DDX60: variants seen among roughly 807,000 people sequenced by gnomAD.
DDX60 encodes the protein DExD/H-box helicase 60.
A neutral mutation model predicts 212.8 loss-of-function variants in DDX60; 165 were observed. The observed-to-expected ratio is 0.78, with a 90% CI of 0.68 to 0.88. The LOEUF is 0.88. Among genes scored for constraint, DDX60 ranks in the 40% least tolerant of loss-of-function variants. The probability of loss-of-function intolerance (pLI) is 0.00; values close to 1 mark genes in which losing one functional copy is unlikely to be tolerated. For synonymous variants in DDX60, 703 were observed against 685.3 expected (o/e 1.03, Z -0.40); for missense variants, 1,905 against 2,003.9 (o/e 0.95, Z 0.94).
chr4:168,294,343 G>T, intron 6 of DDX60, among the ~76,000 whole-genome samples: 1 of 152,088 alleles, frequency 6.6e-6, no homozygotes, highest in East Asian at 1.9e-4. Flanking sequence ...CCACAACATT[G>T]GTCTGGGCAA....
Position 168,220,717 on chromosome 4 carries a change from C to A in DDX60, c.4977G>T (p.Arg1659Ser). Reference sequence around the variant, plus strand: ...AATAATAAGCATCTCCTTCATTCATCCTAAAGAAAACAACATTTTGAAAAT... The same window carrying A: ...AATAATAAGCATCTCCTTCATTCATACTAAAGAAAACAACATTTTGAAAAT... ...GSLIGLVQDN[R>S]MNEGDAYYLL... The change falls in exon 37 of 38, where the codon AGG becomes AGT. Residue 1659 changes from arginine (R) to serine (S), a missense_variant and splice_region_variant. Coordinates refer to ENST00000393743, the MANE Select transcript of DDX60 (RefSeq NM_017631.6). The A allele has an allele frequency of 7.1e-7, 1 of 1,410,506 alleles. No homozygotes were observed. Among genetic ancestry groups the A allele is most frequent in the Non-Finnish European group, 9.3e-7 (1 of 1,072,712 alleles). The allele number at this position is 1,410,506 out of a possible 1,614,324, so 87.4% of individuals were successfully genotyped here. A position where few individuals can be genotyped will look rare whatever the true frequency, so the allele number is the denominator to read the frequency against.
In DDX60 at chr4:168,224,266, G is replaced by A. The variant is rs1733169195; in HGVS notation, c.4801C>T (p.Leu1601Phe). 6.2e-7 allele frequency: 1 copy of A among 1,612,222 alleles called. No individual in the cohort carries two copies. Among genetic ancestry groups the A allele is most frequent in the Non-Finnish European group, 8.5e-7 (1 of 1,178,914 alleles). ...ACATGGTTTGGAGTTTCTAGTCGAAGCAAATCATCATCAAAGTTCCCAGAC... is the reference window on the plus strand; with the variant it reads ...ACATGGTTTGGAGTTTCTAGTCGAAACAAATCATCATCAAAGTTCCCAGAC... ...CLSGNFDDDL[L>F]RLETPNHVTL... The change falls in exon 35 of 38, where the codon CTT becomes TTT. Residue 1601 changes from leucine (L) to phenylalanine (F), a missense_variant. Coordinates refer to ENST00000393743, the MANE Select transcript of DDX60 (RefSeq NM_017631.6).
intron 12 of DDX60, among the ~76,000 whole-genome samples, chr4:168,283,856 G>A (rs1218984429): frequency 1.3e-5 from 2 of 152,014 alleles, no homozygotes; most frequent in African/African-American, 4.8e-5. Flanking sequence ...AAAAAATGAC[G>A]GATTCCATTC....
intron 28 of DDX60, among the ~76,000 whole-genome samples, chr4:168,250,419 T>C (rs1734175486): frequency 6.6e-6 from 1 of 151,848 alleles, no homozygotes; most frequent in Admixed American, 6.6e-5. Flanking sequence ...CACATGCCTG[T>C]AATCCCAGCT....
Position 168,306,482 on chromosome 4 carries a change from CT to C in DDX60, c.502del (p.Arg168GlyfsTer59), listed in dbSNP as rs1213882682. Reference protein sequence around the residue: ...FNFLIIHSWARKVNVVLSSGQ... With the variant: ...FNFLIIHSWAXKVNVVLSSGQ... ...TGAGGAAAGTACAACGTTGACCTTC[CT>C]TGCCCAAGAATGAATGATTAAAAAG... On this transcript the variant is annotated frameshift_variant, in exon 5 of 38. Transcript: ENST00000393743. LOFTEE classifies it high-confidence loss of function. 2.5e-6 allele frequency: 4 copies of C among 1,614,042 alleles called. No individual in the cohort carries two copies. Among genetic ancestry groups the C allele is most frequent in the Middle Eastern group, 1.6e-4 (1 of 6,084 alleles).
intron 30 of DDX60, among the ~76,000 whole-genome samples, chr4:168,238,793 T>C (rs911326846): frequency 1.1e-4 from 16 of 152,162 alleles, no homozygotes; most frequent in Non-Finnish European, 1.5e-5. Context: ...TTGCATACTA[T>C]AGTTTATTGT....
intron 37 of DDX60, among the ~76,000 whole-genome samples, chr4:168,218,203 C>T (rs1732919241): frequency 6.6e-6 from 1 of 152,144 alleles, no homozygotes; most frequent in Non-Finnish European, 1.5e-5. Flanking sequence ...ACCAAATTTC[C>T]TTCTGAGTTA....
At chr4:168,254,531 T>G (rs1488212313) in intron 26 of DDX60, among the ~76,000 whole-genome samples, 1 of 152,164 alleles carries the variant, frequency 6.6e-6, no homozygotes, top group African/African-American at 2.4e-5. Context: ...CAAATATATT[T>G]ATGGAATAAT....
At position 168,244,594 on chromosome 4, in the gene DDX60, G is replaced by A. The variant is rs370550274; in HGVS notation, c.4164+1824C>T. On this transcript the variant is annotated intron_variant, in intron 30 of 37. Transcript: ENST00000393743. Reference sequence around the variant, plus strand: ...CAAAAAATTAGCCAGGTGTGGTGGCGCATACCTGTAGTCCCAGCTACTCAG... The same window carrying A: ...CAAAAAATTAGCCAGGTGTGGTGGCACATACCTGTAGTCCCAGCTACTCAG... Among the ~76,000 whole-genome samples, 55 of 152,182 alleles carry A rather than the reference G, an allele frequency of 3.6e-4. No homozygotes were observed. The East Asian group carries it at 6.6e-3, about 18-fold the overall frequency.
intron 6 of DDX60, among the ~76,000 whole-genome samples, chr4:168,294,690 T>C (rs1310836586): frequency 6.6e-6 from 1 of 151,880 alleles, no homozygotes; most frequent in Non-Finnish European, 1.5e-5. Flanking sequence ...TTAGTAGAGA[T>C]GGGATTTCAC....
chr4:168,285,077 A>G (rs1735762372), intron 11 of DDX60, 142 bp from the exon 12 acceptor site: 7 of 556,722 alleles, frequency 1.3e-5, no homozygotes, highest in Non-Finnish European at 2.2e-5. Context: ...TCCAAACAGC[A>G]GTTTATTAGA....
At chr4:168,260,717 C>T in intron 25 of DDX60, 148 bp downstream of exon 25, 1 of 728,066 alleles carries the variant, frequency 1.4e-6, no homozygotes, top group South Asian at 1.8e-5. Context: ...CGCTGGCCCA[C>T]CACTCACCTC....
chr4:168,284,652 G>T (rs538432345), intron 12 of DDX60, among the ~76,000 whole-genome samples, 168 bp downstream of exon 12: 3 of 152,270 alleles, frequency 2.0e-5, no homozygotes, highest in East Asian at 3.9e-4. Context: ...TCAATAAAGA[G>T]AGAGAGAATT....
chr4:168,226,030 C>T (rs1049407231), intron 33 of DDX60, among the ~76,000 whole-genome samples: 1 of 151,984 alleles, frequency 6.6e-6, no homozygotes, highest in Non-Finnish European at 1.5e-5. Flanking sequence ...AGACAAAGTA[C>T]ATTTGCATGC....
rs184329175 is a variant in DDX60, at chr4:168,246,709, A to G, written c.3964-91T>C. The G allele has an allele frequency of 3.5e-5, 47 of 1,360,030 alleles. No homozygotes were observed. The East Asian group carries it at 1.1e-3, about 31-fold the overall frequency. The allele number at this position is 1,360,030 out of a possible 1,614,324, so 84.2% of individuals were successfully genotyped here. A position where few individuals can be genotyped will look rare whatever the true frequency, so the allele number is the denominator to read the frequency against. On this transcript the variant is annotated intron_variant, in intron 29 of 37. Transcript: ENST00000393743. ...TGAGCCCTTTACTCTGGTTTGGAGC[A>G]TGGAAATTGTGCATATGTCTAACCA...
At chr4:168,224,644 T>C (rs1733185469) in intron 34 of DDX60, among the ~76,000 whole-genome samples, 1 of 152,042 alleles carries the variant, frequency 6.6e-6, no homozygotes. Context: ...CAATAAGAAA[T>C]GAAAGACTAA....
chr4:168,280,331 AT>A lies in DDX60; in HGVS notation c.1978+3del. 6.2e-7 allele frequency: 1 copy of A among 1,604,676 alleles called. No individual in the cohort carries two copies. The highest frequency in any genetic ancestry group is 8.5e-7 in the Non-Finnish European group (1 of 1,175,808). On this transcript the variant is annotated splice_donor_region_variant and intron_variant, in intron 14 of 37. Transcript: ENST00000393743. The stretch of plus-strand genomic sequence containing the variant: ...CACCGAAATAACAAAACAGAATTAC[AT>A]ACCTTCTTCACTTCGGCAATGTTCT...
At chr4:168,316,837 C>T (rs1483616149) in intron 1 of DDX60, among the ~76,000 whole-genome samples, 1 of 151,700 alleles carries the variant, frequency 6.6e-6, no homozygotes, top group East Asian at 1.9e-4. Context: ...GCGGGCAGAT[C>T]ACCTGAGGTC....
At chr4:168,236,456 T>G in intron 32 of DDX60, 83 bp from the exon 33 acceptor site, 1 of 1,252,370 alleles carries the variant, frequency 8.0e-7, no homozygotes, top group Non-Finnish European at 1.1e-6. Context: ...TCATATTACA[T>G]TTAATTTCAT....
Sources: gnomAD v4.1 joint callset for allele counts (sites outside exome capture counted in the v4.1 genomes callset) on GRCh38, gnomAD v4.1.1 for gene constraint, MANE v1.5 for transcripts, NCBI Gene and HGNC (gene_info 2026-07-23, HGNC 2026-07-21) for gene names.